Variants in IL1RAPL1 observed in about 807,000 individuals in gnomAD.
IL1RAPL1 encodes interleukin-1 receptor accessory protein-like 1.
A neutral mutation model predicts 48.4 loss-of-function variants in IL1RAPL1; 3 were observed. The observed-to-expected ratio is 0.06, with a 90% CI of 0.03 to 0.16. IL1RAPL1 has a LOEUF of 0.16. Among genes scored for constraint, IL1RAPL1 ranks in the 10% least tolerant of loss-of-function variants. The pLI, the probability that IL1RAPL1 is intolerant of heterozygous loss-of-function variation, is 1.00. For synonymous variants in IL1RAPL1, 185 were observed against 187.7 expected (o/e 0.99, Z 0.12); for missense variants, 349 against 530.6 (o/e 0.66, Z 3.36).
Position 29,668,426 on chromosome X carries a change from T to C in IL1RAPL1, c.704-4T>C, listed in dbSNP as rs1215706163. On this transcript the variant is annotated splice_region_variant and splice_polypyrimidine_tract_variant and intron_variant, in intron 5 of 10. Coordinates refer to ENST00000378993, the MANE Select transcript of IL1RAPL1 (RefSeq NM_014271.4). The stretch of plus-strand genomic sequence containing the variant: ...TCTGTATTATTATTGTTGTTGTTTT[T>C]CAGCCCCTCTGACTGATAAGCCACC... The C allele has an allele frequency of 1.7e-6, 2 of 1,201,676 alleles. No homozygotes were observed. Among genetic ancestry groups the C allele is most frequent in the Admixed American group, 4.4e-5 (2 of 45,976 alleles).
chrX:28,811,222 AC>A (rs1936790285), intron 2 of IL1RAPL1, among the ~76,000 whole-genome samples: 1 of 110,831 alleles, frequency 9.0e-6, no homozygotes, highest in African/African-American at 3.3e-5. Context: ...TTAATTTTAT[AC>A]AAATAAAATT....
intron 8 of IL1RAPL1, among the ~76,000 whole-genome samples, chrX:29,934,058 G>C (rs1308523027): frequency 9.0e-6 from 1 of 110,740 alleles, no homozygotes; most frequent in Non-Finnish European, 1.9e-5. Flanking sequence ...AAAAAAAAAG[G>C]AACAGGAAAT....
At position 29,574,308 on chromosome X, in the gene IL1RAPL1, C is replaced by G. The variant is rs140631495; in HGVS notation, c.704-94122C>G. On this transcript the variant is annotated intron_variant, in intron 5 of 10. Transcript: ENST00000378993. ...AAATTGCATGTCAGATTGTAATTCC[C>G]AGGCCCTTCCTCCAATACTGGGAAT... is the stretch of plus-strand genomic sequence containing the variant. 2.0e-3 allele frequency: 222 copies of G among 108,618 alleles called. 1 individual carries two copies. The highest frequency in any genetic ancestry group is 7.1e-3 in the African/African-American group (213 of 29,895). The allele number at this position is 108,618 out of a possible 1,213,427, so 9.0% of individuals were successfully genotyped here. A position where few individuals can be genotyped will look rare whatever the true frequency, so the allele number is the denominator to read the frequency against.
chrX:28,953,581 G>A (rs1924527250), intron 2 of IL1RAPL1, among the ~76,000 whole-genome samples: 1 of 111,158 alleles, frequency 9.0e-6, no homozygotes, highest in Admixed American at 9.7e-5. Context: ...ATACGTAGAG[G>A]AGGGAATTGG....
intron 1 of IL1RAPL1, 135 bp from the exon 2 acceptor site, chrX:28,789,184 GA>G: frequency 2.3e-6 from 1 of 442,312 alleles, no homozygotes. Flanking sequence ...AAATATAATA[GA>G]AATCCTGGTT....
intron 2 of IL1RAPL1, among the ~76,000 whole-genome samples, chrX:29,008,423 G>T (rs983521428): frequency 1.8e-5 from 2 of 111,627 alleles, no homozygotes; most frequent in African/African-American, 6.5e-5. Context: ...TGATCTGCCC[G>T]CCTCGGCCTC....
chrX:29,675,076 G>A (rs773192002), intron 6 of IL1RAPL1, among the ~76,000 whole-genome samples: 2 of 112,345 alleles, frequency 1.8e-5, no homozygotes, highest in Non-Finnish European at 3.8e-5. Context: ...ATTCCTTTGG[G>A]TATATATCCA....
At chrX:29,536,992 T>C (rs1921256571) in intron 5 of IL1RAPL1, among the ~76,000 whole-genome samples, 1 of 110,756 alleles carries the variant, frequency 9.0e-6, no homozygotes, top group South Asian at 3.7e-4. Flanking sequence ...GATAATAAAA[T>C]TATATAAACA....
At chrX:28,694,426 G>C (rs1159613816) in intron 1 of IL1RAPL1, among the ~76,000 whole-genome samples, 1 of 111,835 alleles carries the variant, frequency 8.9e-6, no homozygotes, top group South Asian at 3.7e-4. Flanking sequence ...TGCCAGGCAG[G>C]CATGAGGATA....
intron 1 of IL1RAPL1, among the ~76,000 whole-genome samples, chrX:28,618,125 A>G (rs4893578): frequency 0.46 from 50,499 of 110,766 alleles, 8,317 homozygotes; most frequent in East Asian, 0.63. Flanking sequence ...CTTCAAGTGT[A>G]TGATTCTGCT....
At chrX:29,596,322 G>C (rs1426475365) in intron 5 of IL1RAPL1, among the ~76,000 whole-genome samples, 1 of 112,144 alleles carries the variant, frequency 8.9e-6, no homozygotes, top group East Asian at 2.8e-4. Context: ...GCTTTTGGCA[G>C]TATGGTCATT....
intron 6 of IL1RAPL1, among the ~76,000 whole-genome samples, chrX:29,834,690 T>A (rs1930955837): frequency 9.0e-6 from 1 of 111,314 alleles, no homozygotes; most frequent in Non-Finnish European, 1.9e-5. Flanking sequence ...TACATCAATG[T>A]AAAATGATTT....
At chrX:28,982,235 C>CCTAA (rs1168685105) in intron 2 of IL1RAPL1, among the ~76,000 whole-genome samples, 3 of 111,970 alleles carry the variant, frequency 2.7e-5, no homozygotes, top group Non-Finnish European at 5.6e-5. Flanking sequence ...AGTGGTGCTG[C>CCTAA]CTAACTCTTT....
chrX:29,252,256 A>C (rs1931648708), intron 2 of IL1RAPL1, among the ~76,000 whole-genome samples: 1 of 109,518 alleles, frequency 9.1e-6, no homozygotes, highest in Non-Finnish European at 1.9e-5. Flanking sequence ...CCTAAAACTT[A>C]AAGTACAATA....
intron 5 of IL1RAPL1, among the ~76,000 whole-genome samples, chrX:29,415,652 G>A (rs974935796): frequency 1.8e-5 from 2 of 111,487 alleles, no homozygotes; most frequent in South Asian, 3.7e-4. Context: ...AACTCCTGAC[G>A]TTGTGATCCA....
chrX:29,061,903 C>A (rs1927351026), intron 2 of IL1RAPL1, among the ~76,000 whole-genome samples: 4 of 112,203 alleles, frequency 3.6e-5, no homozygotes, highest in Non-Finnish European at 7.5e-5. Flanking sequence ...AAAAACTTAA[C>A]CTGTGCACAA....
At chrX:29,773,358 C>T (rs952471714) in intron 6 of IL1RAPL1, among the ~76,000 whole-genome samples, 2 of 111,834 alleles carry the variant, frequency 1.8e-5, no homozygotes, top group East Asian at 2.8e-4. Flanking sequence ...GCTACTCTGC[C>T]TGTACCCACA....
intron 2 of IL1RAPL1, among the ~76,000 whole-genome samples, chrX:28,825,090 C>T (rs143509962): frequency 1.5e-3 from 168 of 111,735 alleles, no homozygotes; most frequent in African/African-American, 5.3e-3. Context: ...TAGCATTTAG[C>T]ATGTTTGTGA....
Position 29,955,781 on chromosome X carries a change from G to A in IL1RAPL1, c.2052G>A (p.Leu684=), listed in dbSNP as rs1269015017. The part of the protein sequence containing the change: ...EAHTNSAILP[L]LPRETSISSV... ...ACACAAACAGTGCCATCCTGCCGCTGTTGCCAAGGGAGACCAGTATATCCA... is the reference window on the plus strand; with the variant it reads ...ACACAAACAGTGCCATCCTGCCGCTATTGCCAAGGGAGACCAGTATATCCA... Residue 684 remains leucine, a synonymous_variant, in exon 11 of 11, where the codon CTG becomes CTA. Transcript: ENST00000378993. The A allele has an allele frequency of 8.3e-7, 1 of 1,210,917 alleles. No individual in the cohort carries two copies. Among genetic ancestry groups the A allele is most frequent in the Non-Finnish European group, 1.1e-6 (1 of 895,028 alleles).
Sources: gnomAD v4.1 joint callset for allele counts (sites outside exome capture counted in the v4.1 genomes callset) on GRCh38, gnomAD v4.1.1 for gene constraint, MANE v1.5 for transcripts, NCBI Gene and HGNC (gene_info 2026-07-23, HGNC 2026-07-21) for gene names.